Variants in ACAP2 observed in about 807,000 individuals in gnomAD.
ACAP2 encodes the protein ArfGAP with coiled-coil, ankyrin repeat and PH domains 2.
ACAP2 carries 39 observed loss-of-function variants against 115.8 expected under a neutral mutation model. That is an observed-to-expected ratio of 0.34 (90% CI 0.26 to 0.44). ACAP2 has a LOEUF of 0.44. Ranked by LOEUF, ACAP2 falls within the 20% of genes least tolerant of loss-of-function variation. ACAP2 has a pLI of 1.00. For synonymous variants in ACAP2, 289 were observed against 315.8 expected, an observed-to-expected ratio of 0.92 and a Z score of 0.90; for missense variants, 662 against 927.6, an observed-to-expected ratio of 0.71 and a Z score of 3.72.
At position 195,278,618 on chromosome 3, in the gene ACAP2, T is replaced by C. The variant is rs1016536420; in HGVS notation, c.*710A>G. Reference sequence around the variant, plus strand: ...CATTTTGAACTGGGGTTTTTTTTTGTGATTAAAAAAAAAAAAGAGCTTCTT... The same window carrying C: ...CATTTTGAACTGGGGTTTTTTTTTGCGATTAAAAAAAAAAAAGAGCTTCTT... On this transcript the variant is annotated 3_prime_UTR_variant, in exon 23 of 23. Transcript: ENST00000326793. The C allele has an allele frequency of 1.5e-5, 2 of 137,756 alleles. No homozygotes were observed. The highest frequency in any genetic ancestry group is 5.5e-5 in the African/African-American group (2 of 36,246). 8.5% of individuals were successfully genotyped at this position (137,756 alleles called of 1,614,324 possible).
At chr3:195,289,263 G>A (rs774216426) in intron 20 of ACAP2, 32 bp from the exon 21 acceptor site, 7 of 1,489,694 alleles carry the variant, frequency 4.7e-6, no homozygotes, top group Admixed American at 2.0e-5. Context: ...TTGAGATATT[G>A]TCGATAAGAA....
At chr3:195,308,290 C>A (rs769013865) in intron 11 of ACAP2, among the ~76,000 whole-genome samples, 3 of 149,704 alleles carry the variant, frequency 2.0e-5, no homozygotes, top group Non-Finnish European at 3.0e-5. Flanking sequence ...TATGGAATGG[C>A]AGTGTTATTT....
At position 195,414,412 on chromosome 3, in the gene ACAP2, G is replaced by A. The variant is rs540057899; in HGVS notation, c.54-22265C>T. Among the ~76,000 whole-genome samples, 8 of 152,128 alleles carry A rather than the reference G, an allele frequency of 5.3e-5. No individual in the cohort carries two copies. In the South Asian group the frequency reaches 1.2e-3, roughly 24 times the overall value. ...GTATGAGCTGCCATACCCAGCCTAC[G>A]AAATACATTCTTGCCACACTATCCA... is the stretch of plus-strand genomic sequence containing the variant. On this transcript the variant is annotated intron_variant, in intron 1 of 22. Coordinates refer to ENST00000326793, the MANE Select transcript of ACAP2 (RefSeq NM_012287.6).
chr3:195,433,034 A>G (rs1357692503), intron 1 of ACAP2, among the ~76,000 whole-genome samples: 1 of 152,062 alleles, frequency 6.6e-6, no homozygotes, highest in African/African-American at 2.4e-5. Flanking sequence ...ATTCCTTAGC[A>G]TTTTCTATAT....
At chr3:195,403,859 G>C (rs1363444513) in intron 1 of ACAP2, among the ~76,000 whole-genome samples, 2 of 152,166 alleles carry the variant, frequency 1.3e-5, no homozygotes, top group Non-Finnish European at 2.9e-5. Flanking sequence ...TAGGAGAGAA[G>C]TCTGAGTTGG....
At chr3:195,326,674 A>G (rs1205598512) in intron 9 of ACAP2, 1 of 477,228 alleles carries the variant, frequency 2.1e-6, no homozygotes, top group Non-Finnish European at 3.7e-6. Context: ...CTGGTTCAAG[A>G]AGCATAGCTT....
chr3:195,394,207 T>TA (rs1214978452), intron 1 of ACAP2, among the ~76,000 whole-genome samples: 1 of 152,174 alleles, frequency 6.6e-6, no homozygotes, highest in Non-Finnish European at 1.5e-5. Context: ...ACACACATTC[T>TA]ATCACTGTGC....
intron 15 of ACAP2, among the ~76,000 whole-genome samples, chr3:195,300,575 T>C (rs1727981485): frequency 6.6e-6 from 1 of 152,204 alleles, no homozygotes; most frequent in Non-Finnish European, 1.5e-5. Flanking sequence ...ACTCCTAACC[T>C]GACAAATATA....
In ACAP2 at chr3:195,442,961, C is replaced by G; in HGVS notation, c.-114G>C. ...CGGCCGCGACTAGCGTTGCGCGGAG[C>G]TGCGAAGGGCGCCTCGCCCGCTGGT... is the stretch of plus-strand genomic sequence containing the variant. On this transcript the variant is annotated 5_prime_UTR_variant, in exon 1 of 23. Coordinates refer to ENST00000326793, the MANE Select transcript of ACAP2 (RefSeq NM_012287.6). 3.1e-6 allele frequency: 3 copies of G among 953,368 alleles called. No individual in the cohort carries two copies. Among genetic ancestry groups the G allele is most frequent in the Non-Finnish European group, 4.4e-6 (3 of 683,114 alleles). The allele number at this position is 953,368 out of a possible 1,614,324, so 59.1% of individuals were successfully genotyped here. A position where few individuals can be genotyped will look rare whatever the true frequency, so the allele number is the denominator to read the frequency against.
intron 1 of ACAP2, among the ~76,000 whole-genome samples, chr3:195,440,347 C>A (rs1370163031): frequency 6.6e-6 from 1 of 152,178 alleles, no homozygotes; most frequent in African/African-American, 2.4e-5. Context: ...TTCAACCAGT[C>A]CCCTTGTATT....
At chr3:195,424,960 T>C (rs1251402459) in intron 1 of ACAP2, among the ~76,000 whole-genome samples, 1 of 132,094 alleles carries the variant, frequency 7.6e-6, no homozygotes, top group African/African-American at 2.9e-5. Context: ...TAAGAGTTGA[T>C]TGCTTGCAGT....
intron 4 of ACAP2, among the ~76,000 whole-genome samples, chr3:195,376,255 G>A (rs1356539038): frequency 6.6e-6 from 1 of 152,042 alleles, no homozygotes; most frequent in Non-Finnish European, 1.5e-5. Flanking sequence ...CTAGCCGGGT[G>A]TGGTGGTGGG....
At chr3:195,378,196 A>C (rs977157793) in intron 4 of ACAP2, among the ~76,000 whole-genome samples, 1 of 152,304 alleles carries the variant, frequency 6.6e-6, no homozygotes, top group Non-Finnish European at 1.5e-5. Context: ...CACTAGTATT[A>C]AAAAGACCAA....
chr3:195,388,697 T>C (rs892211892), intron 2 of ACAP2, among the ~76,000 whole-genome samples: 1 of 152,144 alleles, frequency 6.6e-6, no homozygotes, highest in African/African-American at 2.4e-5. Flanking sequence ...TAACTCCCCA[T>C]AGTTTCTAAA....
intron 2 of ACAP2, among the ~76,000 whole-genome samples, chr3:195,389,116 A>C (rs776185939): frequency 2.0e-5 from 3 of 152,106 alleles, no homozygotes; most frequent in African/African-American, 4.8e-5. Context: ...GCGAGGGAAA[A>C]CAGTGATTTT....
At chr3:195,409,613 C>T (rs903406742) in intron 1 of ACAP2, among the ~76,000 whole-genome samples, 3 of 152,010 alleles carry the variant, frequency 2.0e-5, no homozygotes, top group Admixed American at 6.6e-5. Context: ...CAGTGGCTCA[C>T]GCCTGTAATC....
rs939199223 is a variant in ACAP2, at chr3:195,396,907, C to T, written c.54-4760G>A. Among the ~76,000 whole-genome samples, 5 of 139,382 alleles carry T rather than the reference C, an allele frequency of 3.6e-5. No individual in the cohort carries two copies. The Admixed American group carries it at 3.6e-4, about 10-fold the overall frequency. 91.4% of individuals were successfully genotyped at this position (139,382 alleles called of 152,430 possible). On this transcript the variant is annotated intron_variant, in intron 1 of 22. Coordinates refer to ENST00000326793, the MANE Select transcript of ACAP2 (RefSeq NM_012287.6). ...AAAAAAAAAAAACCCTTCATTCCAA[C>T]TTGGCAATAGCCTTAAAATGAAATT...
chr3:195,435,353 T>C (rs1715455922), intron 1 of ACAP2, among the ~76,000 whole-genome samples: 1 of 152,048 alleles, frequency 6.6e-6, no homozygotes, highest in African/African-American at 2.4e-5. Flanking sequence ...TTTTGTATTT[T>C]TAGTAGAGAC....
At chr3:195,347,281 CTAACAACATTTAAGAAAATTGACCA>C (rs1731246231) in intron 4 of ACAP2, among the ~76,000 whole-genome samples, 1 of 152,032 alleles carries the variant, frequency 6.6e-6, no homozygotes, top group East Asian at 1.9e-4. Context: ...CTCAGGAACA[CTAACAACATTTAAGAAAATTGACCA>C]TATAGTAGGG....
Sources: allele counts gnomAD v4.1 joint callset (sites outside exome capture counted in the v4.1 genomes callset), GRCh38; gene constraint gnomAD v4.1.1; transcripts MANE v1.5; gene names NCBI Gene and HGNC (gene_info 2026-07-23, HGNC 2026-07-21).